HOXD13: variants seen among roughly 807,000 people sequenced by gnomAD.
HOXD13 encodes homeobox D13, also known as homeobox protein Hox-D13.
A neutral mutation model predicts 27.3 loss-of-function variants in HOXD13; 16 were observed. That is an observed-to-expected ratio of 0.59 (90% CI 0.40 to 0.89). HOXD13 has a LOEUF of 0.89. Ranked by LOEUF, HOXD13 falls within the 40% of genes least tolerant of loss-of-function variation. The probability of loss-of-function intolerance (pLI) is 0.00; values close to 1 mark genes in which losing one functional copy is unlikely to be tolerated. For missense variants in HOXD13, 481 were observed against 482.6 expected (o/e 1.00, Z 0.03); for synonymous variants, 241 against 219.0 (o/e 1.10, Z -0.89).
At chr2:176,089,124 A>G (rs551762149), upstream of HOXD13, among the ~76,000 whole-genome samples, 27 of 152,368 alleles carry the variant, frequency 1.8e-4, no homozygotes, top group South Asian at 2.1e-3. Context: ...ATATGTCTCA[A>G]AGGTAGAAAG....
At position 176,093,436 on chromosome 2, in the gene HOXD13, G is replaced by C. The variant is rs1173574844; in HGVS notation, c.546G>C (p.Glu182Asp). ...GLASSSVPAN[E>D]VPARAKEVSF... ...CGAGCAGCAGCGTACCGGCCAACGA[G>C]GTGCCAGCGCGAGCCAAGGAGGTAT... is the stretch of plus-strand genomic sequence containing the variant. Residue 182 changes from glutamate (E) to aspartate (D), a missense_variant, in exon 1 of 2, where the codon GAG (glutamate) becomes GAC (aspartate). Physicochemically the swap from Glu to Asp is conservative, Grantham distance 45. Transcript: ENST00000392539. The C allele has an allele frequency of 3.1e-6, 5 of 1,613,980 alleles. No individual in the cohort carries two copies. Among genetic ancestry groups the C allele is most frequent in the Admixed American group, 3.3e-5 (2 of 60,028 alleles).
In HOXD13 at chr2:176,093,220, C is replaced by T. The variant is rs780959735; in HGVS notation, c.330C>T (p.Pro110=). 1.9e-5 allele frequency: 31 copies of T among 1,609,734 alleles called. No homozygotes were observed. Among genetic ancestry groups the T allele is most frequent in the Non-Finnish European group, 2.6e-5 (31 of 1,179,476 alleles). ...CCCCAGCCAAAGAGTGCCCAGCACCCACGCCTGCAGCGGCCGCTGCAGCGC... is the reference window on the plus strand; with the variant it reads ...CCCCAGCCAAAGAGTGCCCAGCACCTACGCCTGCAGCGGCCGCTGCAGCGC... ...EAPPAKECPA[P]TPAAAAAAPP... The change falls in exon 1 of 2, where the codon CCC becomes CCT. Residue 110 remains proline (P), a synonymous_variant. Coordinates refer to ENST00000392539, the MANE Select transcript of HOXD13 (RefSeq NM_000523.4).
chr2:176,088,555 C>T (rs1689276142), upstream of HOXD13, among the ~76,000 whole-genome samples: 1 of 126,000 alleles, frequency 7.9e-6, no homozygotes, highest in African/African-American at 4.3e-5. Context: ...GCCTCCCTTT[C>T]GGCTCCCCCC....
Position 176,095,016 on chromosome 2 carries a change from G to T in HOXD13, c.*286G>T. On this transcript the variant is annotated 3_prime_UTR_variant, in exon 2 of 2. Coordinates refer to ENST00000392539, the MANE Select transcript of HOXD13 (RefSeq NM_000523.4). ...TTTCTCCCTCCAGGCCAGTATAAAG[G>T]GACTTGAAGTATTTTTTAATAATCC... 1 of 410,562 alleles carries T rather than the reference G, an allele frequency of 2.4e-6. No individual in the cohort carries two copies. The highest frequency in any genetic ancestry group is 3.1e-5 in the South Asian group (1 of 32,064). The allele number at this position is 410,562 out of a possible 1,614,324, so 25.4% of individuals were successfully genotyped here.
rs769412328 is a variant in HOXD13, at chr2:176,093,222, C to T, written c.332C>T (p.Thr111Met). The stretch of plus-strand genomic sequence containing the variant: ...CCAGCCAAAGAGTGCCCAGCACCCA[C>T]GCCTGCAGCGGCCGCTGCAGCGCCC... ...APPAKECPAP[T>M]PAAAAAAPPS... The change falls in exon 1 of 2, where the codon ACG (threonine) becomes ATG (methionine). Residue 111 changes from threonine (T) to methionine (M), a missense_variant. Coordinates refer to ENST00000392539, the MANE Select transcript of HOXD13 (RefSeq NM_000523.4). 9.3e-6 allele frequency: 15 copies of T among 1,609,682 alleles called. No homozygotes were observed. The Admixed American group carries it at 1.5e-4, about 16-fold the overall frequency.
Position 176,094,736 on chromosome 2 carries a change from T to C in HOXD13, c.*6T>C. ...TCAAAGATACTGTCTCCTGATGTGG[T>C]CCAGGTTGGCCACAGACAGCTTAGA... is the stretch of plus-strand genomic sequence containing the variant. On this transcript the variant is annotated 3_prime_UTR_variant, in exon 2 of 2. Coordinates refer to ENST00000392539, the MANE Select transcript of HOXD13 (RefSeq NM_000523.4). The C allele has an allele frequency of 6.2e-7, 1 of 1,613,798 alleles. No individual in the cohort carries two copies. The highest frequency in any genetic ancestry group is 1.7e-5 in the Admixed American group (1 of 60,032).
chr2:176,088,727 TC>T (rs1207299069), upstream of HOXD13, among the ~76,000 whole-genome samples: 19 of 152,202 alleles, frequency 1.2e-4, no homozygotes, highest in South Asian at 1.2e-3. Flanking sequence ...TTACTGGACT[TC>T]CCAGTAGTTT....
intron 1 of HOXD13, among the ~76,000 whole-genome samples, chr2:176,094,005 C>G (rs1487947047): frequency 6.6e-6 from 1 of 152,102 alleles, no homozygotes; most frequent in Non-Finnish European, 1.5e-5. Flanking sequence ...AGAGTTGGGT[C>G]CCCCCATTTT....
chr2:176,094,763 G>A lies in HOXD13; in HGVS notation c.*33G>A. 3 of 1,607,608 alleles carry A rather than the reference G, an allele frequency of 1.9e-6. No homozygotes were observed. Among genetic ancestry groups the A allele is most frequent in the Non-Finnish European group, 2.6e-6 (3 of 1,174,208 alleles). On this transcript the variant is annotated 3_prime_UTR_variant, in exon 2 of 2. Coordinates refer to ENST00000392539, the MANE Select transcript of HOXD13 (RefSeq NM_000523.4). ...CAGGTTGGCCACAGACAGCTTAGAA[G>A]CCATTCGGTTGTCTCCAAAAGGCCT... is the stretch of plus-strand genomic sequence containing the variant.
rs878854346 is a variant in HOXD13, at chr2:176,093,061, GGCGGCGGCGGCAGCGGCGGCT to G, written c.183_203del (p.Ala65_Ala71del). The G allele has an allele frequency of 1.7e-5, 24 of 1,375,222 alleles. No individual in the cohort carries two copies. The highest frequency in any genetic ancestry group is 3.9e-5 in the Admixed American group (1 of 25,764). The allele number at this position is 1,375,222 out of a possible 1,614,324, so 85.2% of individuals were successfully genotyped here. A position where few individuals can be genotyped will look rare whatever the true frequency, so the allele number is the denominator to read the frequency against. The stretch of plus-strand genomic sequence containing the variant: ...TCGCCGGGACGCATTCGGGGCGGGC[GGCGGCGGCGGCAGCGGCGGCT>G]GCGGCGGCGGCGGCGGCAGCCTCCG... On this transcript the variant is annotated inframe_deletion, in exon 1 of 2. Transcript: ENST00000392539.
rs1402230378 is a variant in HOXD13, at chr2:176,094,856, G to A, written c.*126G>A. The A allele has an allele frequency of 6.2e-6, 5 of 801,366 alleles. No homozygotes were observed. In the African/African-American group the frequency reaches 8.6e-5, roughly 14 times the overall value. 49.6% of individuals were successfully genotyped at this position (801,366 alleles called of 1,614,324 possible). A position where few individuals can be genotyped will look rare whatever the true frequency, so the allele number is the denominator to read the frequency against. ...CCAATGGTGGCAAATTTTGTGAATT[G>A]TTTTTCTCTCTTCCCCTTATCTGGC... On this transcript the variant is annotated 3_prime_UTR_variant, in exon 2 of 2. Coordinates refer to ENST00000392539, the MANE Select transcript of HOXD13 (RefSeq NM_000523.4).
chr2:176,094,701 G>T lies in HOXD13; in HGVS notation c.1003G>T (p.Val335Phe). 2 of 1,614,110 alleles carry T rather than the reference G, an allele frequency of 1.2e-6. No homozygotes were observed. ...QNRRVKDKKI[V>F]SKLKDTVS ...CCGAAGAGTGAAGGACAAGAAAATT[G>T]TCTCCAAGCTCAAAGATACTGTCTC... The change falls in exon 2 of 2, where the codon GTC becomes TTC. Residue 335 changes from valine (V) to phenylalanine (F), a missense_variant. Physicochemically the swap from Val to Phe is conservative, Grantham distance 50 (BLOSUM62 -1). Transcript: ENST00000392539.
upstream of HOXD13, among the ~76,000 whole-genome samples, chr2:176,088,811 C>T (rs1006049847): frequency 2.6e-5 from 4 of 152,188 alleles, no homozygotes; most frequent in Admixed American, 2.6e-4. Flanking sequence ...AATTAGGGTC[C>T]CAGCTTTTAT....
Position 176,095,081 on chromosome 2 carries a change from G to T in HOXD13, c.*351G>T. The T allele has an allele frequency of 2.9e-6, 1 of 347,286 alleles. No individual in the cohort carries two copies. The highest frequency in any genetic ancestry group is 4.1e-5 in the South Asian group (1 of 24,482). The allele number at this position is 347,286 out of a possible 1,614,324, so 21.5% of individuals were successfully genotyped here. ...TTCAGAAGTGCCATTCTGATTTAAG[G>T]GTTTTTTTAAAAAATTACTTTATTT... On this transcript the variant is annotated 3_prime_UTR_variant, in exon 2 of 2. Coordinates refer to ENST00000392539, the MANE Select transcript of HOXD13 (RefSeq NM_000523.4).
chr2:176,094,106 A>G (rs749459129), intron 1 of HOXD13, among the ~76,000 whole-genome samples: 3 of 152,172 alleles, frequency 2.0e-5, no homozygotes, highest in Non-Finnish European at 4.4e-5. Context: ...TCAAAATTTG[A>G]GCAAAAGACC....
Position 176,093,642 on chromosome 2 carries a change from G to A in HOXD13, c.752G>A (p.Gly251Glu), listed in dbSNP as rs1297632808. 1 of 1,601,122 alleles carries A rather than the reference G, an allele frequency of 6.2e-7. No individual in the cohort carries two copies. The highest frequency in any genetic ancestry group is 1.3e-5 in the African/African-American group (1 of 74,468). Residue 251 changes from glycine (G) to glutamate (E), a missense_variant, in exon 1 of 2, where the codon GGG becomes GAG. Coordinates refer to ENST00000392539, the MANE Select transcript of HOXD13 (RefSeq NM_000523.4). The stretch of plus-strand genomic sequence containing the variant: ...TACTGCACCAAGGACCAGCCACAGG[G>A]GTCCCACTTTTGGAAATCTTCCTTT... ...QVYCTKDQPQ[G>E]SHFWKSSFPG... is the part of the protein sequence containing the mutation.
At chr2:176,090,905 T>G (rs559289939), upstream of HOXD13, among the ~76,000 whole-genome samples, 12 of 152,358 alleles carry the variant, frequency 7.9e-5, no homozygotes, top group South Asian at 1.2e-3. Context: ...GAACTTTCAT[T>G]GCTGACTTTT....
upstream of HOXD13, among the ~76,000 whole-genome samples, chr2:176,088,039 G>A (rs1446158235): frequency 1.3e-5 from 2 of 152,392 alleles, no homozygotes; most frequent in Admixed American, 6.5e-5. Flanking sequence ...CGCTGCCGGA[G>A]CCTGGCTCTC....
At chr2:176,091,150 A>G (rs1176282008), upstream of HOXD13, among the ~76,000 whole-genome samples, 1 of 152,188 alleles carries the variant, frequency 6.6e-6, no homozygotes, top group Admixed American at 6.5e-5. Context: ...TCCTAACACC[A>G]GCAGCCTACC....
Sources: allele counts gnomAD v4.1 joint callset (sites outside exome capture counted in the v4.1 genomes callset), GRCh38; gene constraint gnomAD v4.1.1; transcripts MANE v1.5; gene names NCBI Gene and HGNC (gene_info 2026-07-23, HGNC 2026-07-21).